The following NPHP1 variants were observed in gnomAD, a reference collection of about 807,000 sequenced individuals.
The protein encoded by NPHP1 is nephrocystin-1.
Under a neutral mutation model 90.4 loss-of-function variants are expected in NPHP1, and 70 were observed. The observed-to-expected ratio is 0.77, with a 90% confidence interval of 0.64 to 0.95. The LOEUF (loss-of-function observed/expected upper bound fraction) is 0.95. NPHP1 is among the 40% of genes least tolerant of loss of function. The pLI is 0.00. For synonymous variants in NPHP1, 256 were observed against 271.7 expected (o/e 0.94, Z 0.57); for missense variants, 764 against 795.9 (o/e 0.96, Z 0.48).
rs746482479 is a variant in NPHP1 at position 110,160,194 on chromosome 2, G to T, written c.1016C>A (p.Pro339His). ...AACCTGTATGCTCATTCCTGGAAGA[G>T]GAATCATTTTACAGCTCCATAATGT... ...ILTLWSCKMI[P>H]LPGMSIQVLS... The change falls in exon 11 of 20, where the codon CCT becomes CAT. Residue 339 changes from proline (P) to histidine (H), a missense_variant. Coordinates refer to ENST00000445609, the MANE Select transcript of NPHP1 (RefSeq NM_001128178.3). 9 of 1,612,088 alleles carry T rather than the reference G, an allele frequency of 5.6e-6. No homozygotes were observed. The East Asian group carries it at 2.0e-4, about 36-fold the overall frequency.
intron 10 of NPHP1, 62 bp from the exon 11 acceptor site, chr2:110,160,317 T>C: frequency 2.9e-6 from 4 of 1,373,750 alleles, no homozygotes; most frequent in Non-Finnish European, 4.1e-6. Flanking sequence ...AATCTGTCTT[T>C]TGTGAATTCG....
At chr2:110,203,399 CT>C (rs1397128747) in intron 1 of NPHP1, among the ~76,000 whole-genome samples, 41 of 152,234 alleles carry the variant, frequency 2.7e-4, no homozygotes, top group African/African-American at 8.7e-4. Context: ...CATGTACCCC[CT>C]GAATCTAAAA....
chr2:110,143,635 C>A lies in NPHP1; in HGVS notation c.1436G>T (p.Gly479Val), dbSNP rs960255611. The A allele has an allele frequency of 6.2e-7, 1 of 1,611,068 alleles. No homozygotes were observed. Among genetic ancestry groups the A allele is most frequent in the Non-Finnish European group, 8.5e-7 (1 of 1,177,314 alleles). The change falls in exon 16 of 20, where the codon GGC becomes GTC. Residue 479 changes from glycine to valine, a missense_variant. By Grantham distance (109) the Gly-to-Val change is moderately radical. Transcript: ENST00000445609. ...VDPSISRRAH[G>V]SVFYQIMTMR... ...TGTCATAATCTGGTAGAAAACACTG[C>A]CGTGTGCTTTTAAGAAAAATCAAAA... is the stretch of plus-strand genomic sequence containing the variant.
rs968728519 is a variant in NPHP1 at position 110,156,933 on chromosome 2, C to T, written c.1083+3194G>A. Among the ~76,000 whole-genome samples the T allele has an allele frequency of 2.8e-4, 42 of 152,016 alleles. 1 individual carries two copies. The highest frequency in any genetic ancestry group is 8.5e-4 in the African/African-American group (35 of 41,406). Reference sequence around the variant, plus strand: ...CTGGGACTACAGGCACACGCCACCACGTCCAGCTAATTTTTGTATTTTTAG... The same window carrying T: ...CTGGGACTACAGGCACACGCCACCATGTCCAGCTAATTTTTGTATTTTTAG... On this transcript the variant is annotated intron_variant, in intron 11 of 19. Coordinates refer to ENST00000445609, the MANE Select transcript of NPHP1 (RefSeq NM_001128178.3).
intron 11 of NPHP1, among the ~76,000 whole-genome samples, chr2:110,158,666 T>C (rs1682087241): frequency 6.6e-6 from 1 of 152,058 alleles, no homozygotes; most frequent in Non-Finnish European, 1.5e-5. Context: ...ATATAACATA[T>C]AGGTCAGTCT....
At position 110,131,794 on chromosome 2, in the gene NPHP1, AT is replaced by A. The variant is rs757295724; in HGVS notation, c.1530-4del. ...CAATTAATGTTTCTGGCAGTAGACT[AT>A]TAAAGAAGAAAAAAATGTATTCATT... On this transcript the variant is annotated splice_polypyrimidine_tract_variant and splice_region_variant and intron_variant, in intron 16 of 19. Transcript: ENST00000445609. 8.5e-6 allele frequency: 13 copies of A among 1,536,542 alleles called. No individual in the cohort carries two copies. In the Admixed American group the frequency reaches 2.2e-4, roughly 26 times the overall value.
At chr2:110,193,728 C>T (rs1404076029) in intron 2 of NPHP1, among the ~76,000 whole-genome samples, 1 of 152,092 alleles carries the variant, frequency 6.6e-6, no homozygotes, top group Non-Finnish European at 1.5e-5. Context: ...CACACCACAC[C>T]TATTCCAAAA....
chr2:110,133,337 T>C (rs558927988), intron 16 of NPHP1, among the ~76,000 whole-genome samples: 3 of 152,116 alleles, frequency 2.0e-5, no homozygotes, highest in Admixed American at 2.0e-4. Flanking sequence ...CATAAAACAG[T>C]CAATTCAGAA....
intron 4 of NPHP1, among the ~76,000 whole-genome samples, chr2:110,175,507 A>G (rs1683444497): frequency 6.6e-6 from 1 of 152,088 alleles, no homozygotes; most frequent in African/African-American, 2.4e-5. Flanking sequence ...TCTTCTTTCA[A>G]CGTTTTCAAG....
chr2:110,179,752 A>T, intron 2 of NPHP1, 68 bp from the exon 3 acceptor site: 1 of 763,696 alleles, frequency 1.3e-6, no homozygotes, highest in African/African-American at 1.7e-5. Flanking sequence ...TATTTTATAA[A>T]ATCATTCAGT....
At chr2:110,131,939 A>G in intron 16 of NPHP1, 148 bp from the exon 17 acceptor site, 1 of 634,010 alleles carries the variant, frequency 1.6e-6, no homozygotes, top group South Asian at 1.9e-5. Context: ...AATTTCTACT[A>G]CAAGTAGGCC....
intron 4 of NPHP1, among the ~76,000 whole-genome samples, chr2:110,174,605 A>T (rs1683377229): frequency 6.6e-6 from 1 of 152,104 alleles, no homozygotes; most frequent in South Asian, 2.1e-4. Context: ...TTGGCTCACT[A>T]AACTTTATTT....
intron 18 of NPHP1, 59 bp downstream of exon 18, chr2:110,129,127 C>T: frequency 7.8e-7 from 1 of 1,287,582 alleles, no homozygotes; most frequent in South Asian, 1.2e-5. Flanking sequence ...CTCATTAACA[C>T]AGAGTGTATA....
chr2:110,144,562 C>G lies in NPHP1; in HGVS notation c.1360G>C (p.Glu454Gln). The change falls in exon 15 of 20, where the codon GAG (glutamate) becomes CAG (glutamine). Residue 454 changes from glutamate to glutamine, a missense_variant. Glu to Gln is a conservative substitution (Grantham distance 29, BLOSUM62 2). Transcript: ENST00000445609. The part of the protein sequence containing the change: ...SGVPIPAKTY[E>Q]LFLNGGTPYE... ...GGAGTACCACCATTCAAGAAAAGCT[C>G]ATAAGTTCTATAAAAGAATAACATA... 1 of 1,589,206 alleles carries G rather than the reference C, an allele frequency of 6.3e-7. No homozygotes were observed. The highest frequency in any genetic ancestry group is 8.6e-7 in the Non-Finnish European group (1 of 1,157,566).
At chr2:110,159,154 T>C (rs1333643649) in intron 11 of NPHP1, among the ~76,000 whole-genome samples, 2 of 152,050 alleles carry the variant, frequency 1.3e-5, no homozygotes, top group Non-Finnish European at 2.9e-5. Flanking sequence ...ATAATGTCCT[T>C]TTTATATATT....
At chr2:110,188,855 C>T (rs1028157373) in intron 2 of NPHP1, among the ~76,000 whole-genome samples, 3 of 152,048 alleles carry the variant, frequency 2.0e-5, no homozygotes, top group African/African-American at 7.2e-5. Flanking sequence ...CACCTACAAC[C>T]ATCTGATCTT....
At chr2:110,203,820 G>C (rs1685732269) in intron 1 of NPHP1, among the ~76,000 whole-genome samples, 1 of 148,102 alleles carries the variant, frequency 6.8e-6, no homozygotes, top group Admixed American at 6.7e-5. Context: ...TTTTTTTTGA[G>C]ACCAAGTCTT....
chr2:110,128,885 C>A, intron 18 of NPHP1: 1 of 408,896 alleles, frequency 2.4e-6, no homozygotes, highest in Non-Finnish European at 4.5e-6. Context: ...TCTTACAGAC[C>A]ATTTTGGATT....
intron 2 of NPHP1, chr2:110,184,094 G>A: frequency 1.9e-6 from 1 of 537,224 alleles, no homozygotes; most frequent in Non-Finnish European, 3.7e-6. Context: ...AGCCTGTCAT[G>A]ATCGACAATG....
Sources: allele counts gnomAD v4.1 joint callset (sites outside exome capture counted in the v4.1 genomes callset), GRCh38; gene constraint gnomAD v4.1.1; transcripts MANE v1.5; gene names NCBI Gene and HGNC (gene_info 2026-07-23, HGNC 2026-07-21).